ALPK1: variants seen among roughly 807,000 people sequenced by gnomAD.
The protein encoded by ALPK1 is alpha-protein kinase 1.
ALPK1 carries 110 observed loss-of-function variants against 120.6 expected under a neutral mutation model. That is an observed-to-expected ratio of 0.91 (90% CI 0.78 to 1.07). ALPK1 has a LOEUF of 1.07. Ranked by LOEUF, ALPK1 falls within the 50% of genes least tolerant of loss-of-function variation. ALPK1 has a pLI of 0.00. For synonymous variants in ALPK1, 582 were observed against 560.3 expected (o/e 1.04, Z -0.55); for missense variants, 1,498 against 1,483.9 (o/e 1.01, Z -0.16).
chr4:112,344,603 T>C (rs1730026233), intron 2 of ALPK1, among the ~76,000 whole-genome samples: 2 of 152,196 alleles, frequency 1.3e-5, no homozygotes, highest in African/African-American at 4.8e-5. Context: ...CATTTTGAAA[T>C]ATTCAGGACT....
At chr4:112,401,216 G>C (rs969259406) in intron 4 of ALPK1, among the ~76,000 whole-genome samples, 1 of 152,174 alleles carries the variant, frequency 6.6e-6, no homozygotes, top group African/African-American at 2.4e-5. Context: ...CAGAAAAAGG[G>C]AGAGGAGACA....
chr4:112,391,218 T>C (rs1333657981), intron 4 of ALPK1, among the ~76,000 whole-genome samples: 2 of 152,170 alleles, frequency 1.3e-5, no homozygotes, highest in African/African-American at 2.4e-5. Flanking sequence ...AGAAGATTTA[T>C]GAGCCGTTGT....
intron 1 of ALPK1, chr4:112,302,430 A>C (rs1231474868): frequency 1.3e-5 from 2 of 152,110 alleles, no homozygotes; most frequent in Non-Finnish European, 2.9e-5. Flanking sequence ...AAGGTTTTTC[A>C]TTCTCCTCAA....
intron 1 of ALPK1, among the ~76,000 whole-genome samples, chr4:112,307,532 G>A (rs1728149160): frequency 6.6e-6 from 1 of 151,970 alleles, no homozygotes; most frequent in Non-Finnish European, 1.5e-5. Context: ...GATCTTTGTT[G>A]GTTTAAAGTC....
At chr4:112,357,124 T>C in intron 2 of ALPK1, 1 of 1,286,074 alleles carries the variant, frequency 7.8e-7, no homozygotes, top group South Asian at 1.3e-5. Flanking sequence ...TCGATGCTGT[T>C]GAGCTGCCTG....
At chr4:112,434,770 G>C (rs1734718935) in intron 11 of ALPK1, among the ~76,000 whole-genome samples, 1 of 152,158 alleles carries the variant, frequency 6.6e-6, no homozygotes, top group South Asian at 2.1e-4. Context: ...GGATCCCCAG[G>C]TAATAATAGT....
At chr4:112,376,821 A>T (rs1026679975) in intron 2 of ALPK1, among the ~76,000 whole-genome samples, 4 of 152,200 alleles carry the variant, frequency 2.6e-5, no homozygotes, top group Non-Finnish European at 5.9e-5. Flanking sequence ...CAGCAGCTCC[A>T]CTATCTATTC....
At chr4:112,404,458 A>G (rs1394489838) in intron 4 of ALPK1, among the ~76,000 whole-genome samples, 1 of 152,234 alleles carries the variant, frequency 6.6e-6, no homozygotes. Context: ...AAATGAGGTC[A>G]TTGAGAATAG....
chr4:112,411,981 C>A lies in ALPK1; in HGVS notation c.431C>A (p.Ala144Asp), dbSNP rs1427050994. ...LHKLQPATPI[A>D]PQVVIRQARI... ...AAGTTGCAGCCAGCCACGCCAATTG[C>A]CCCGCAGGTGGTTATTCGCCAAGCC... Residue 144 changes from alanine to aspartate, a missense_variant, in exon 5 of 16, where the codon GCC becomes GAC. Ala to Asp is a moderately radical substitution (Grantham distance 126). Coordinates refer to ENST00000650871, the MANE Select transcript of ALPK1 (RefSeq NM_025144.4). 6.2e-7 allele frequency: 1 copy of A among 1,614,022 alleles called. No homozygotes were observed. The highest frequency in any genetic ancestry group is 2.2e-5 in the East Asian group (1 of 44,882).
At chr4:112,382,304 TTTTTTTG>T in intron 3 of ALPK1, 87 bp from the exon 4 acceptor site, 7 of 1,145,734 alleles carry the variant, frequency 6.1e-6, no homozygotes, top group Admixed American at 3.0e-5. Context: ...TTTTTTTTTT[TTTTTTTG>T]CCACTGAGGT....
Position 112,439,671 on chromosome 4 carries a change from A to G in ALPK1, c.3352-15A>G. The G allele has an allele frequency of 1.3e-6, 2 of 1,591,878 alleles. No homozygotes were observed. Among genetic ancestry groups the G allele is most frequent in the Admixed American group, 1.8e-5 (1 of 55,696 alleles). On this transcript the variant is annotated splice_polypyrimidine_tract_variant and intron_variant, in intron 13 of 15. Transcript: ENST00000650871. ...TTACCATTATGCTGTAATGTTTCTC[A>G]TTGCTATTTTTCAGATTTTAGAGGA...
At chr4:112,422,964 A>G (rs1471752248) in intron 5 of ALPK1, among the ~76,000 whole-genome samples, 2 of 152,252 alleles carry the variant, frequency 1.3e-5, no homozygotes, top group Non-Finnish European at 2.9e-5. Flanking sequence ...AACAGGTCAC[A>G]GGGCCAGTTG....
At chr4:112,417,137 A>C (rs1413063529) in intron 5 of ALPK1, among the ~76,000 whole-genome samples, 5 of 152,164 alleles carry the variant, frequency 3.3e-5, no homozygotes, top group African/African-American at 1.2e-4. Context: ...GTGAGGATAA[A>C]ATAGACATTT....
chr4:112,405,651 C>CT, intron 4 of ALPK1, among the ~76,000 whole-genome samples: 1 of 152,282 alleles, frequency 6.6e-6, no homozygotes, highest in East Asian at 1.9e-4. Context: ...TCTCGGCTCA[C>CT]TGCAACCCCC....
intron 2 of ALPK1, among the ~76,000 whole-genome samples, chr4:112,367,934 C>T (rs1430804112): frequency 1.4e-4 from 22 of 152,084 alleles, no homozygotes; most frequent in Admixed American, 1.4e-3. Flanking sequence ...CGGAGTCTCA[C>T]TCTGTTGCCC....
At chr4:112,423,891 T>C (rs1734112578) in intron 5 of ALPK1, 53 bp from the exon 6 acceptor site, 1 of 1,569,884 alleles carries the variant, frequency 6.4e-7, no homozygotes, top group African/African-American at 1.4e-5. Context: ...AACTTGTAAT[T>C]GTTAAGTGCA....
At chr4:112,345,841 A>G (rs1287362953) in intron 2 of ALPK1, among the ~76,000 whole-genome samples, 2 of 152,044 alleles carry the variant, frequency 1.3e-5, no homozygotes, top group Non-Finnish European at 2.9e-5. Flanking sequence ...ATATAATTTC[A>G]TTTCTAAGTA....
chr4:112,394,144 G>T (rs1382560603), intron 4 of ALPK1, among the ~76,000 whole-genome samples: 1 of 152,120 alleles, frequency 6.6e-6, no homozygotes, highest in Non-Finnish European at 1.5e-5. Context: ...CACCACAGCC[G>T]GGTTTCCTAC....
intron 2 of ALPK1, among the ~76,000 whole-genome samples, chr4:112,373,553 G>C (rs371712031): frequency 6.6e-6 from 1 of 152,140 alleles, no homozygotes; most frequent in Non-Finnish European, 1.5e-5. Context: ...AGATATTGTG[G>C]ATTCAGTTCC....
Sources: allele counts gnomAD v4.1 joint callset (sites outside exome capture counted in the v4.1 genomes callset), GRCh38; gene constraint gnomAD v4.1.1; transcripts MANE v1.5; gene names NCBI Gene and HGNC (gene_info 2026-07-23, HGNC 2026-07-21).